The following GPC5 variants were observed in gnomAD, a reference collection of about 807,000 sequenced individuals.
GPC5 encodes glypican-5.
GPC5 carries 47 observed loss-of-function variants against 53.9 expected under a neutral mutation model. The observed-to-expected ratio is 0.87, with a 90% CI of 0.69 to 1.11. GPC5 has a LOEUF of 1.11. Among genes scored for constraint, GPC5 ranks in the 50% most tolerant of loss-of-function variants. GPC5 has a pLI of 0.00. For synonymous variants in GPC5, 286 were observed against 263.3 expected, an observed-to-expected ratio of 1.09 and a Z score of -0.84; for missense variants, 748 against 713.1, an observed-to-expected ratio of 1.05 and a Z score of -0.56.
intron 7 of GPC5, among the ~76,000 whole-genome samples, chr13:92,458,411 G>A (rs1229191962): frequency 6.6e-6 from 1 of 151,902 alleles, no homozygotes; most frequent in African/African-American, 2.4e-5. Context: ...ATATTCTCCT[G>A]CCTCAGCCTC....
At chr13:92,131,510 T>A (rs189974448) in intron 6 of GPC5, among the ~76,000 whole-genome samples, 1 of 152,152 alleles carries the variant, frequency 6.6e-6, no homozygotes, top group African/African-American at 2.4e-5. Context: ...AAGTATGAAC[T>A]ATAGGTATAT....
At chr13:91,771,328 A>G (rs1407568701) in intron 5 of GPC5, among the ~76,000 whole-genome samples, 1 of 152,210 alleles carries the variant, frequency 6.6e-6, no homozygotes, top group African/African-American at 2.4e-5. Context: ...ACCAGCAGGT[A>G]GAGAAAAAGG....
chr13:92,556,277 G>A (rs1404662868), intron 7 of GPC5, among the ~76,000 whole-genome samples: 1 of 151,674 alleles, frequency 6.6e-6, no homozygotes, highest in Non-Finnish European at 1.5e-5. Context: ...AAATTTGTGT[G>A]ATCTAGTTTT....
intron 6 of GPC5, among the ~76,000 whole-genome samples, chr13:92,015,800 T>A (rs930933212): frequency 1.3e-5 from 2 of 152,216 alleles, no homozygotes; most frequent in African/African-American, 4.8e-5. Flanking sequence ...GCAATTATTG[T>A]TGCAACAAAT....
chr13:91,599,124 T>C (rs2139214590), intron 2 of GPC5, among the ~76,000 whole-genome samples: 1 of 152,230 alleles, frequency 6.6e-6, no homozygotes, highest in South Asian at 2.1e-4. Flanking sequence ...TTTTAGTGTA[T>C]TCATCGCTTG....
intron 7 of GPC5, among the ~76,000 whole-genome samples, chr13:92,397,756 C>T (rs551645844): frequency 5.9e-5 from 9 of 152,080 alleles, no homozygotes; most frequent in African/African-American, 2.2e-4. Context: ...CTTATTGGCG[C>T]GGAAACAGCA....
chr13:92,006,936 T>C (rs941247166), intron 6 of GPC5, among the ~76,000 whole-genome samples: 25 of 152,156 alleles, frequency 1.6e-4, no homozygotes, highest in African/African-American at 6.0e-4. Flanking sequence ...GCATACATAG[T>C]TGTGGATGTT....
At chr13:92,566,464 A>G (rs372563778) in intron 7 of GPC5, among the ~76,000 whole-genome samples, 2 of 152,138 alleles carry the variant, frequency 1.3e-5, no homozygotes, top group South Asian at 4.1e-4. Context: ...CAGTCAATTC[A>G]TTACATCACA....
chr13:91,456,899 T>A, intron 2 of GPC5, among the ~76,000 whole-genome samples: 1 of 151,878 alleles, frequency 6.6e-6, no homozygotes. Flanking sequence ...GGAATTATTA[T>A]TTCTATGCAG....
chr13:91,750,942 G>C (rs1232840184), intron 4 of GPC5, among the ~76,000 whole-genome samples: 1 of 149,788 alleles, frequency 6.7e-6, no homozygotes, highest in Admixed American at 6.6e-5. Flanking sequence ...GATTACAGGT[G>C]TGAGCCATTG....
chr13:92,176,915 C>T (rs777115662), intron 7 of GPC5, among the ~76,000 whole-genome samples: 3 of 152,132 alleles, frequency 2.0e-5, no homozygotes. Context: ...CATTAACTAC[C>T]AATGATATAA....
In GPC5 at chr13:91,728,620, A is replaced by T; in HGVS notation, c.1109A>T (p.Lys370Met). Residue 370 changes from lysine to methionine, a missense_variant, in exon 4 of 8, where the codon AAG becomes ATG. Transcript: ENST00000377067. Reference sequence around the variant, plus strand: ...CAGAGCAAAGAGAAGCATGGAATGAAGACCACCACAAGGAACAGTGAAGAG... The same window carrying T: ...CAGAGCAAAGAGAAGCATGGAATGATGACCACCACAAGGAACAGTGAAGAG... Reference protein sequence around the residue: ...FDQSKEKHGMKTTTRNSEETL... With the variant: ...FDQSKEKHGMMTTTRNSEETL... 1 of 1,613,478 alleles carries T rather than the reference A, an allele frequency of 6.2e-7. No individual in the cohort carries two copies. The highest frequency in any genetic ancestry group is 8.5e-7 in the Non-Finnish European group (1 of 1,179,528).
At chr13:92,439,531 A>C (rs1294909298) in intron 7 of GPC5, among the ~76,000 whole-genome samples, 1 of 152,206 alleles carries the variant, frequency 6.6e-6, no homozygotes, top group African/African-American at 2.4e-5. Flanking sequence ...TTCCAAAAAG[A>C]ATTTGACAAT....
chr13:91,809,223 C>A (rs2038272043), intron 5 of GPC5, among the ~76,000 whole-genome samples: 1 of 152,032 alleles, frequency 6.6e-6, no homozygotes, highest in Non-Finnish European at 1.5e-5. Flanking sequence ...CAGTTTTGTA[C>A]CTTTGATTTG....
chr13:92,443,935 CCA>C (rs1245816393), intron 7 of GPC5, among the ~76,000 whole-genome samples: 4 of 152,160 alleles, frequency 2.6e-5, no homozygotes, highest in African/African-American at 7.2e-5. Flanking sequence ...AGATGAGAAA[CCA>C]CACATGTGTG....
intron 5 of GPC5, among the ~76,000 whole-genome samples, chr13:91,820,781 G>T (rs1037798795): frequency 3.3e-5 from 5 of 152,100 alleles, no homozygotes; most frequent in African/African-American, 1.2e-4. Context: ...GGCTAACACA[G>T]TGAAATGCCA....
chr13:91,589,223 C>T (rs2032708273), intron 2 of GPC5, among the ~76,000 whole-genome samples: 1 of 151,998 alleles, frequency 6.6e-6, no homozygotes, highest in Non-Finnish European at 1.5e-5. Flanking sequence ...AATCCTCCTG[C>T]CTTTTAAAAA....
Position 92,534,248 on chromosome 13 carries a change from C to T in GPC5, c.1562-332034C>T, listed in dbSNP as rs561772253. 2.6e-5 allele frequency among the ~76,000 whole-genome samples: 4 copies of T among 152,280 alleles called. No individual in the cohort carries two copies. In the East Asian group the frequency reaches 7.7e-4, roughly 29 times the overall value. On this transcript the variant is annotated intron_variant, in intron 7 of 7. Coordinates refer to ENST00000377067, the MANE Select transcript of GPC5 (RefSeq NM_004466.6). ...GTTGCAGTGAACATGCCACTGCACT[C>T]CAGCCTGGGTGACAGAGTGCAACTC...
At chr13:92,700,848 A>G (rs1001423889) in intron 7 of GPC5, among the ~76,000 whole-genome samples, 6 of 152,112 alleles carry the variant, frequency 3.9e-5, no homozygotes, top group Non-Finnish European at 8.8e-5. Context: ...AAGGGAAAAT[A>G]GTTTAGCTGC....
Sources: allele counts gnomAD v4.1 joint callset (sites outside exome capture counted in the v4.1 genomes callset), GRCh38; gene constraint gnomAD v4.1.1; transcripts MANE v1.5; gene names NCBI Gene and HGNC (gene_info 2026-07-23, HGNC 2026-07-21).